EXT1: variants seen among roughly 807,000 people sequenced by gnomAD.
The protein encoded by EXT1 is exostosin-1.
Under a neutral mutation model 82.5 loss-of-function variants are expected in EXT1, and 20 were observed. The ratio of observed to expected loss-of-function variants is 0.24; its 90% CI spans 0.17 to 0.35. The LOEUF (loss-of-function observed/expected upper bound fraction) is 0.35. Ranked by LOEUF, EXT1 falls within the 10% of genes least tolerant of loss-of-function variation. The probability of loss-of-function intolerance (pLI) is 1.00; values close to 1 mark genes in which losing one functional copy is unlikely to be tolerated. For missense variants in EXT1, 757 were observed against 936.5 expected (o/e 0.81, Z 2.50); for synonymous variants, 348 against 350.8 (o/e 0.99, Z 0.09).
chr8:118,024,195 C>A (rs185500789), intron 1 of EXT1, among the ~76,000 whole-genome samples: 14 of 152,304 alleles, frequency 9.2e-5, no homozygotes, highest in Admixed American at 2.0e-4. Context: ...AAAATGTAAA[C>A]CCTGTAAGCT....
intron 1 of EXT1, among the ~76,000 whole-genome samples, chr8:117,855,861 G>T (rs140112129): frequency 6.6e-6 from 1 of 152,112 alleles, no homozygotes; most frequent in East Asian, 1.9e-4. Context: ...GTAGAGACAG[G>T]GTTTCACTAT....
chr8:118,107,598 A>G (rs1273202615), intron 1 of EXT1, among the ~76,000 whole-genome samples: 1 of 152,196 alleles, frequency 6.6e-6, no homozygotes, highest in African/African-American at 2.4e-5. Flanking sequence ...GAAAGCATCA[A>G]TATAAGTAGC....
At chr8:117,835,359 A>G in intron 3 of EXT1, 85 bp downstream of exon 3, 1 of 977,856 alleles carries the variant, frequency 1.0e-6, no homozygotes. Flanking sequence ...TATAGAGCTG[A>G]CCTTTTGGAT....
chr8:118,066,871 T>C (rs780949203), intron 1 of EXT1, among the ~76,000 whole-genome samples: 1 of 152,158 alleles, frequency 6.6e-6, no homozygotes, highest in African/African-American at 2.4e-5. Flanking sequence ...ACTGTACTTG[T>C]AGATAAAGCT....
intron 1 of EXT1, among the ~76,000 whole-genome samples, chr8:118,084,771 C>T (rs1300071516): frequency 6.6e-6 from 1 of 152,230 alleles, no homozygotes; most frequent in Non-Finnish European, 1.5e-5. Context: ...CTTTGCACGA[C>T]TCTGGGCAAG....
At chr8:118,095,695 T>G (rs1285415651) in intron 1 of EXT1, among the ~76,000 whole-genome samples, 3 of 152,228 alleles carry the variant, frequency 2.0e-5, no homozygotes, top group East Asian at 3.8e-4. Context: ...GAAAATGGCC[T>G]TCCTAATCTT....
intron 1 of EXT1, among the ~76,000 whole-genome samples, chr8:118,078,989 G>A (rs1435979173): frequency 6.6e-6 from 1 of 152,098 alleles, no homozygotes; most frequent in East Asian, 1.9e-4. Flanking sequence ...TATGATAAAA[G>A]CACACACACT....
At chr8:118,028,622 A>G (rs1816244685) in intron 1 of EXT1, among the ~76,000 whole-genome samples, 1 of 152,006 alleles carries the variant, frequency 6.6e-6, no homozygotes, top group Non-Finnish European at 1.5e-5. Context: ...TAAAAAGGAA[A>G]AAATAAAATA....
At chr8:117,938,579 A>G (rs114397202) in intron 1 of EXT1, among the ~76,000 whole-genome samples, 1,632 of 152,352 alleles carry the variant, frequency 0.011, 35 homozygotes, top group African/African-American at 0.037. Flanking sequence ...AACACTGGAC[A>G]ATAAAGATAG....
chr8:118,084,706 G>A (rs954993460), intron 1 of EXT1, among the ~76,000 whole-genome samples: 2 of 152,160 alleles, frequency 1.3e-5, no homozygotes, highest in Non-Finnish European at 2.9e-5. Flanking sequence ...TTAGGGAAGC[G>A]TTTGATTCCA....
At chr8:117,987,385 G>A (rs758899388) in intron 1 of EXT1, among the ~76,000 whole-genome samples, 3 of 152,158 alleles carry the variant, frequency 2.0e-5, no homozygotes, top group Non-Finnish European at 2.9e-5. Context: ...CAAGGGTTGG[G>A]GAGAACTGGC....
intron 1 of EXT1, among the ~76,000 whole-genome samples, chr8:118,050,650 C>T (rs1258559095): frequency 6.6e-6 from 1 of 152,132 alleles, no homozygotes; most frequent in East Asian, 1.9e-4. Context: ...GGCTGTATTC[C>T]AATAAAACTT....
intron 1 of EXT1, among the ~76,000 whole-genome samples, chr8:118,068,704 C>A (rs141284086): frequency 3.9e-5 from 6 of 152,180 alleles, no homozygotes; most frequent in African/African-American, 1.4e-4. Flanking sequence ...TATTTTTAGG[C>A]GGCAGAATAT....
chr8:118,021,425 T>C (rs1293711993), intron 1 of EXT1, among the ~76,000 whole-genome samples: 1 of 152,202 alleles, frequency 6.6e-6, no homozygotes, highest in South Asian at 2.1e-4. Flanking sequence ...TGGCTAATAA[T>C]TGTCAGGGAG....
At chr8:117,951,588 AG>A (rs1310148741) in intron 1 of EXT1, among the ~76,000 whole-genome samples, 1 of 152,204 alleles carries the variant, frequency 6.6e-6, no homozygotes, top group African/African-American at 2.4e-5. Context: ...CAAGAACCAA[AG>A]GAATTATGAC....
At chr8:117,953,437 T>C (rs1814529217) in intron 1 of EXT1, among the ~76,000 whole-genome samples, 1 of 151,702 alleles carries the variant, frequency 6.6e-6, no homozygotes, top group African/African-American at 2.4e-5. Context: ...TGAGCCCCAA[T>C]GAAGCAAACA....
intron 1 of EXT1, among the ~76,000 whole-genome samples, chr8:117,898,644 T>C (rs1444827441): frequency 6.6e-6 from 1 of 152,192 alleles, no homozygotes. Flanking sequence ...GGTTTTTAAG[T>C]TAGAGCACAA....
At chr8:117,859,915 G>A (rs1586246731) in intron 1 of EXT1, among the ~76,000 whole-genome samples, 1 of 152,222 alleles carries the variant, frequency 6.6e-6, no homozygotes, top group South Asian at 2.1e-4. Flanking sequence ...GGGAGGCCGA[G>A]GTGGGCAGAT....
At chr8:117,815,934 C>CAAAAA (rs58788900) in intron 7 of EXT1, among the ~76,000 whole-genome samples, 3 of 116,452 alleles carry the variant, frequency 2.6e-5, no homozygotes, top group Admixed American at 8.5e-5. Context: ...AACTCTGCCT[C>CAAAAA]AAAAAAAAAA....
Sources: allele counts gnomAD v4.1 joint callset (sites outside exome capture counted in the v4.1 genomes callset), GRCh38; gene constraint gnomAD v4.1.1; transcripts MANE v1.5; gene names NCBI Gene and HGNC (gene_info 2026-07-23, HGNC 2026-07-21).